The following TENM2 variants were observed in gnomAD, a reference collection of about 807,000 sequenced individuals.
The protein encoded by TENM2 is teneurin-2.
Under a neutral mutation model 245.2 loss-of-function variants are expected in TENM2, and 52 were observed. That is an observed-to-expected ratio of 0.21 (90% CI 0.17 to 0.27). The LOEUF (loss-of-function observed/expected upper bound fraction) is 0.27, where lower values mean the gene tolerates loss of function less well. Ranked by LOEUF, TENM2 falls within the 10% of genes least tolerant of loss-of-function variation. The probability of loss-of-function intolerance (pLI) is 1.00; values close to 1 mark genes in which losing one functional copy is unlikely to be tolerated. For missense variants in TENM2, 3,046 were observed against 3,666.8 expected (o/e 0.83, Z 4.37); for synonymous variants, 1,363 against 1,438.9 (o/e 0.95, Z 1.19).
Position 167,751,916 on chromosome 5 carries a change from C to G in TENM2, c.503-124070C>G, listed in dbSNP as rs1761980844. On this transcript the variant is annotated intron_variant, in intron 2 of 28. Transcript: ENST00000518659. ...AGCCAGGAAGAGTTGAGAGACAAGTCTGTCTTCTTGAGGACGCGTAGTTTC... is the reference window on the plus strand; with the variant it reads ...AGCCAGGAAGAGTTGAGAGACAAGTGTGTCTTCTTGAGGACGCGTAGTTTC... 2.0e-5 allele frequency among the ~76,000 whole-genome samples: 3 copies of G among 151,838 alleles called. No homozygotes were observed. In the South Asian group the frequency reaches 6.2e-4, roughly 32 times the overall value.
intron 4 of TENM2, among the ~76,000 whole-genome samples, chr5:167,989,648 A>C (rs1029220062): frequency 6.6e-6 from 1 of 152,154 alleles, no homozygotes. Context: ...GCACACTGGC[A>C]CTGTGGCTTG....
chr5:168,133,865 G>A (rs932620331), intron 12 of TENM2, among the ~76,000 whole-genome samples: 1 of 152,160 alleles, frequency 6.6e-6, no homozygotes, highest in African/African-American at 2.4e-5. Flanking sequence ...AAGAACACAG[G>A]ATTTTGTGGC....
At chr5:167,746,603 C>T (rs1353332664) in intron 2 of TENM2, among the ~76,000 whole-genome samples, 2 of 151,250 alleles carry the variant, frequency 1.3e-5, no homozygotes, top group Non-Finnish European at 2.9e-5. Flanking sequence ...AGACTTAAGC[C>T]ACTCACGACT....
Position 167,547,025 on chromosome 5 carries a change from C to T in TENM2, c.502+171552C>T, listed in dbSNP as rs542324078. ...CCCAAAGCACAGAGTTATTCCAGTG[C>T]GACTTAAACTTGAAGTCCACTTTTT... On this transcript the variant is annotated intron_variant, in intron 2 of 28. Coordinates refer to ENST00000518659, the Ensembl canonical transcript of TENM2. Among the ~76,000 whole-genome samples the T allele has an allele frequency of 2.0e-5, 3 of 152,228 alleles. No homozygotes were observed. The South Asian group carries it at 6.2e-4, about 32-fold the overall frequency.
At chr5:167,983,381 C>A (rs146469610) in intron 4 of TENM2, among the ~76,000 whole-genome samples, 1 of 152,214 alleles carries the variant, frequency 6.6e-6, no homozygotes, top group Admixed American at 6.5e-5. Flanking sequence ...TATCAAGAGT[C>A]GAAGCTTCTA....
At chr5:167,097,355 TAATTGGCATCAAGGTAAATATTC>T in the TENM2 span, among the ~76,000 whole-genome samples, 1 of 152,212 alleles carries the variant, frequency 6.6e-6, no homozygotes, top group Admixed American at 6.5e-5. Flanking sequence ...CACCAATATT[TAATTGGCATCAAGGTAAATATTC>T]AAAGCTTAAT....
chr5:167,425,064 T>G, intron 2 of TENM2, among the ~76,000 whole-genome samples: 1 of 152,208 alleles, frequency 6.6e-6, no homozygotes, highest in East Asian at 1.9e-4. Context: ...AAGTAGAATA[T>G]AGATGGCTTT....
At chr5:167,381,385 G>A (rs768313008) in intron 2 of TENM2, among the ~76,000 whole-genome samples, 6 of 152,140 alleles carry the variant, frequency 3.9e-5, no homozygotes, top group African/African-American at 9.7e-5. Flanking sequence ...TGGCTAAGTG[G>A]CTTATGGGAT....
chr5:167,525,158 C>T (rs1771023486), intron 2 of TENM2, among the ~76,000 whole-genome samples: 1 of 152,092 alleles, frequency 6.6e-6, no homozygotes, highest in Non-Finnish European at 1.5e-5. Flanking sequence ...CTGCTCCCAA[C>T]CCTGCAGAAC....
chr5:167,703,970 G>C (rs1211616712), intron 2 of TENM2, among the ~76,000 whole-genome samples: 1 of 152,142 alleles, frequency 6.6e-6, no homozygotes, highest in African/African-American at 2.4e-5. Flanking sequence ...AGAGGTGGAA[G>C]GAATAGAGAG....
At chr5:167,639,275 G>A (rs1256429525) in intron 2 of TENM2, among the ~76,000 whole-genome samples, 2 of 152,134 alleles carry the variant, frequency 1.3e-5, no homozygotes, top group African/African-American at 4.8e-5. Context: ...AATAAACCAG[G>A]AGAAAACATT....
At chr5:167,437,144 C>T (rs544867281) in intron 2 of TENM2, among the ~76,000 whole-genome samples, 1 of 152,098 alleles carries the variant, frequency 6.6e-6, no homozygotes, top group African/African-American at 2.4e-5. Context: ...CAACACCAGC[C>T]CGTGAGAGCA....
intron 23 of TENM2, among the ~76,000 whole-genome samples, chr5:168,225,537 G>T (rs912887793): frequency 6.6e-6 from 1 of 152,164 alleles, no homozygotes. Flanking sequence ...AAGGCAGGTG[G>T]ATCACCTGAG....
chr5:167,840,574 C>G (rs555882818), intron 2 of TENM2, among the ~76,000 whole-genome samples: 1 of 152,042 alleles, frequency 6.6e-6, no homozygotes, highest in African/African-American at 2.4e-5. Flanking sequence ...TAACTGAGAA[C>G]CTGATAAATC....
chr5:167,841,216 C>G (rs1769486718), intron 2 of TENM2, among the ~76,000 whole-genome samples: 1 of 152,072 alleles, frequency 6.6e-6, no homozygotes, highest in Non-Finnish European at 1.5e-5. Flanking sequence ...ACCACCATGC[C>G]CAGCTAATTT....
chr5:167,898,310 G>T (rs1775387814), intron 3 of TENM2, among the ~76,000 whole-genome samples: 2 of 152,046 alleles, frequency 1.3e-5, no homozygotes, highest in South Asian at 2.1e-4. Flanking sequence ...AATTCTAGGG[G>T]TGGGGCCCAT....
At chr5:167,958,453 T>G (rs1236077729) in intron 4 of TENM2, among the ~76,000 whole-genome samples, 1 of 152,216 alleles carries the variant, frequency 6.6e-6, no homozygotes, top group Non-Finnish European at 1.5e-5. Context: ...CTGTGTCTTT[T>G]AATTGGGGCA....
chr5:167,680,153 C>T (rs1756604229), intron 2 of TENM2, among the ~76,000 whole-genome samples: 1 of 152,004 alleles, frequency 6.6e-6, no homozygotes, highest in Non-Finnish European at 1.5e-5. Context: ...CTCCATCTTC[C>T]AACCAATATT....
intron 4 of TENM2, among the ~76,000 whole-genome samples, chr5:167,956,837 G>T (rs1338544013): frequency 6.6e-6 from 1 of 152,168 alleles, no homozygotes; most frequent in African/African-American, 2.4e-5. Flanking sequence ...TGATCATGGT[G>T]GAGAAGCTTT....
Sources: gnomAD v4.1 joint callset for allele counts (sites outside exome capture counted in the v4.1 genomes callset) on GRCh38, gnomAD v4.1.1 for gene constraint, MANE v1.5 for transcripts, NCBI Gene and HGNC (gene_info 2026-07-23, HGNC 2026-07-21) for gene names.